Variants in SLC27A2 observed in about 807,000 individuals in gnomAD.
The protein encoded by SLC27A2 is solute carrier family 27 member 2, also known as long-chain fatty acid transport protein 2.
A neutral mutation model predicts 60.0 loss-of-function variants in SLC27A2; 54 were observed. The ratio of observed to expected loss-of-function variants is 0.90; its 90% CI spans 0.72 to 1.13. The LOEUF is 1.13. SLC27A2 is among the 50% of genes most tolerant of loss of function. The pLI is 0.00. For synonymous variants in SLC27A2, 297 were observed against 297.6 expected (o/e 1.00, Z 0.02); for missense variants, 739 against 777.6 (o/e 0.95, Z 0.59).
chr15:50,233,956 T>C lies in SLC27A2; in HGVS notation c.1644T>C (p.Asp548=). 6.2e-7 allele frequency: 1 copy of C among 1,613,268 alleles called. No homozygotes were observed. The highest frequency in any genetic ancestry group is 8.5e-7 in the Non-Finnish European group (1 of 1,179,316). ...AGAAACTCTTTCAGCACATTGCTGA[T>C]TACCTACCTAGTTATGCAAGGCCCC... ...DGKKLFQHIA[D]YLPSYARPRF... Residue 548 remains aspartate (D), a synonymous_variant, in exon 9 of 10, where the codon GAT becomes GAC. Coordinates refer to ENST00000267842, the MANE Select transcript of SLC27A2 (RefSeq NM_003645.4).
At chr15:50,203,368 C>T (rs956898042) in intron 3 of SLC27A2, among the ~76,000 whole-genome samples, 1 of 99,130 alleles carries the variant, frequency 1.0e-5, no homozygotes, top group African/African-American at 3.1e-5. Flanking sequence ...AAGATGGCAA[C>T]TCCATCAGAA....
At position 50,193,101 on chromosome 15, in the gene SLC27A2, G is replaced by A. The variant is rs576056876; in HGVS notation, c.479-4399G>A. On this transcript the variant is annotated intron_variant, in intron 1 of 9. Coordinates refer to ENST00000267842, the MANE Select transcript of SLC27A2 (RefSeq NM_003645.4). ...TTTAGTTACTCAGGCCCCAGGCTGCGTTGGCTCTGGGCCTTTGCATAAGCC... is the reference window on the plus strand; with the variant it reads ...TTTAGTTACTCAGGCCCCAGGCTGCATTGGCTCTGGGCCTTTGCATAAGCC... Among the ~76,000 whole-genome samples the A allele has an allele frequency of 7.2e-5, 11 of 152,260 alleles. No individual in the cohort carries two copies. In the South Asian group the frequency reaches 1.0e-3, roughly 14 times the overall value.
intron 7 of SLC27A2, 45 bp from the exon 8 acceptor site, chr15:50,228,900 C>A: frequency 7.4e-7 from 1 of 1,347,386 alleles, no homozygotes; most frequent in Non-Finnish European, 1.1e-6. Flanking sequence ...GCAACCTGGG[C>A]CAGAAACCAC....
intron 4 of SLC27A2, among the ~76,000 whole-genome samples, chr15:50,218,215 G>T (rs2045217050): frequency 6.6e-6 from 1 of 151,862 alleles, no homozygotes; most frequent in Non-Finnish European, 1.5e-5. Context: ...CTAAAATGAT[G>T]TTTAAAAATC....
At chr15:50,186,063 C>T (rs1005091043) in intron 1 of SLC27A2, among the ~76,000 whole-genome samples, 4 of 150,908 alleles carry the variant, frequency 2.7e-5, no homozygotes, top group African/African-American at 9.8e-5. Context: ...CATGATGAAA[C>T]CCCATCTCTA....
chr15:50,185,776 C>A (rs554279538), intron 1 of SLC27A2, among the ~76,000 whole-genome samples: 4 of 151,876 alleles, frequency 2.6e-5, no homozygotes, highest in African/African-American at 9.6e-5. Flanking sequence ...ACTACAGGCA[C>A]CCGCCACCAC....
chr15:50,202,378 T>G, intron 2 of SLC27A2, 109 bp from the exon 3 acceptor site: 3 of 1,112,846 alleles, frequency 2.7e-6, no homozygotes, highest in East Asian at 2.4e-5. Flanking sequence ...CCCTTCCCAG[T>G]GCAATTCTCA....
intron 8 of SLC27A2, among the ~76,000 whole-genome samples, 171 bp downstream of exon 8, chr15:50,229,213 T>G (rs1418059325): frequency 6.6e-6 from 1 of 152,230 alleles, no homozygotes; most frequent in Non-Finnish European, 1.5e-5. Context: ...AAAAGCCAAC[T>G]CAGTGCATCT....
chr15:50,196,099 T>A (rs867671098), intron 1 of SLC27A2, among the ~76,000 whole-genome samples: 357 of 27,842 alleles, frequency 0.013, 71 homozygotes, highest in African/African-American at 0.033. Flanking sequence ...TATATATATA[T>A]ATATATATAT....
chr15:50,211,761 G>C (rs9672196), intron 4 of SLC27A2, among the ~76,000 whole-genome samples: 20,357 of 152,014 alleles, frequency 0.13, 1,387 homozygotes, highest in Middle Eastern at 0.16. Flanking sequence ...AAATATTCAA[G>C]CAAATAGATA....
chr15:50,204,592 G>C (rs2045094568), intron 3 of SLC27A2, among the ~76,000 whole-genome samples: 2 of 151,878 alleles, frequency 1.3e-5, no homozygotes, highest in African/African-American at 4.8e-5. Flanking sequence ...AATTTGCCAG[G>C]TGTGGTGGCA....
chr15:50,206,494 C>G (rs1156475831), intron 4 of SLC27A2, among the ~76,000 whole-genome samples: 1 of 152,168 alleles, frequency 6.6e-6, no homozygotes, highest in African/African-American at 2.4e-5. Flanking sequence ...ATGCTCTTCC[C>G]CCAGGTCTCT....
intron 4 of SLC27A2, among the ~76,000 whole-genome samples, chr15:50,211,994 C>T (rs1355868642): frequency 2.7e-5 from 4 of 146,744 alleles, no homozygotes; most frequent in African/African-American, 7.6e-5. Context: ...TGGCATGAAC[C>T]TGGGAGGCAG....
rs538025015 is a variant in SLC27A2 at position 50,190,897 on chromosome 15, T to C, written c.479-6603T>C. 4 of 152,352 alleles carry C rather than the reference T, an allele frequency of 2.6e-5. No homozygotes were observed. The South Asian group carries it at 8.3e-4, about 32-fold the overall frequency. 9.4% of individuals were successfully genotyped at this position (152,352 alleles called of 1,614,324 possible). A position where few individuals can be genotyped will look rare whatever the true frequency, so the allele number is the denominator to read the frequency against. On this transcript the variant is annotated intron_variant, in intron 1 of 9. Coordinates refer to ENST00000267842, the MANE Select transcript of SLC27A2 (RefSeq NM_003645.4). ...TTTAATAAAGCTTGAGGTTTTGCTC[T>C]TCAAGAAAAGATCATCCATGTTACT...
At chr15:50,217,802 TC>T (rs2045210267) in intron 4 of SLC27A2, among the ~76,000 whole-genome samples, 1 of 152,094 alleles carries the variant, frequency 6.6e-6, no homozygotes, top group Admixed American at 6.5e-5. Flanking sequence ...ACGCCTGTAA[TC>T]CCAGCACTTT....
At chr15:50,221,808 T>A (rs1447804586) in intron 4 of SLC27A2, 1 of 152,300 alleles carries the variant, frequency 6.6e-6, no homozygotes, top group Non-Finnish European at 1.5e-5. Context: ...TATACCTATT[T>A]ATTTGTCTCT....
chr15:50,221,037 C>G (rs2045238450), intron 4 of SLC27A2, among the ~76,000 whole-genome samples: 1 of 151,952 alleles, frequency 6.6e-6, no homozygotes, highest in African/African-American at 2.4e-5. Flanking sequence ...AACTTCATCT[C>G]TACAAAATTA....
chr15:50,220,001 CTT>C (rs1385861786), intron 4 of SLC27A2, among the ~76,000 whole-genome samples: 3 of 152,242 alleles, frequency 2.0e-5, no homozygotes, highest in Non-Finnish European at 4.4e-5. Context: ...GAGTCATACT[CTT>C]TCAGCCACTG....
chr15:50,205,327 C>A lies in SLC27A2; in HGVS notation c.936C>A (p.Ile312=). 1.4e-5 allele frequency: 22 copies of A among 1,609,260 alleles called. No individual in the cohort carries two copies. The highest frequency in any genetic ancestry group is 1.9e-5 in the Non-Finnish European group (22 of 1,176,992). The change falls in exon 4 of 10, where the codon ATC becomes ATA. Residue 312 remains isoleucine, a synonymous_variant. Transcript: ENST00000267842. ...ACAACGTCACTGTCATTCAGTATATCGGTGAACTGCTTCGGTATTTATGCA... is the reference window on the plus strand; with the variant it reads ...ACAACGTCACTGTCATTCAGTATATAGGTGAACTGCTTCGGTATTTATGCA... The part of the protein sequence containing the change: ...RKYNVTVIQY[I]GELLRYLCNS...
Sources: allele counts gnomAD v4.1 joint callset (sites outside exome capture counted in the v4.1 genomes callset), GRCh38; gene constraint gnomAD v4.1.1; transcripts MANE v1.5; gene names NCBI Gene and HGNC (gene_info 2026-07-23, HGNC 2026-07-21).